The following SPPL3 variants were observed in gnomAD, a reference collection of about 807,000 sequenced individuals.
The protein encoded by SPPL3 is signal peptide peptidase-like 3.
In SPPL3, 5 loss-of-function variants were observed where a neutral mutation model predicts 42.4. The observed-to-expected ratio is 0.12, with a 90% CI of 0.06 to 0.25. The LOEUF (loss-of-function observed/expected upper bound fraction) is 0.25, where lower values mean the gene tolerates loss of function less well. Ranked by LOEUF, SPPL3 falls within the 10% of genes least tolerant of loss-of-function variation. The pLI, the probability that SPPL3 is intolerant of heterozygous loss-of-function variation, is 1.00. For synonymous variants in SPPL3, 195 were observed against 181.8 expected (o/e 1.07, Z -0.58); for missense variants, 235 against 489.0 (o/e 0.48, Z 4.90).
chr12:120,903,736 C>CCCCCCCCCCCCCCA, intron 1 of SPPL3, 109 bp downstream of exon 1: 1 of 646,324 alleles, frequency 1.5e-6, no homozygotes, highest in Non-Finnish European at 2.4e-6. Context: ...ACCCGCGCCC[C>CCCCCCCCCCCCCCA]CCCCCCACGA....
At chr12:120,838,627 T>C (rs1871700304) in intron 1 of SPPL3, among the ~76,000 whole-genome samples, 1 of 152,198 alleles carries the variant, frequency 6.6e-6, no homozygotes, top group South Asian at 2.1e-4. Flanking sequence ...TGTCCAAACA[T>C]TCAACAGATA....
chr12:120,837,905 G>A (rs1205894619), intron 1 of SPPL3, among the ~76,000 whole-genome samples: 1 of 152,082 alleles, frequency 6.6e-6, no homozygotes, highest in Non-Finnish European at 1.5e-5. Context: ...GTGTTGGTGG[G>A]CGACTGTAAT....
At chr12:120,894,942 G>T (rs1263603571) in intron 1 of SPPL3, among the ~76,000 whole-genome samples, 1 of 103,338 alleles carries the variant, frequency 9.7e-6, no homozygotes, top group South Asian at 3.4e-4. Flanking sequence ...GTGAGAGTCC[G>T]TCTCAAACAA....
chr12:120,765,201 A>G, intron 10 of SPPL3, 131 bp from the exon 11 acceptor site: 1 of 723,428 alleles, frequency 1.4e-6, no homozygotes, highest in Non-Finnish European at 2.2e-6. Flanking sequence ...CTGGTCTCAA[A>G]CTCCTGGGCT....
chr12:120,834,621 C>T (rs1566055741), intron 1 of SPPL3, among the ~76,000 whole-genome samples: 1 of 152,194 alleles, frequency 6.6e-6, no homozygotes. Context: ...TGCAATCTTA[C>T]ACTCATTCTC....
At chr12:120,822,131 G>A (rs1871091368) in intron 1 of SPPL3, among the ~76,000 whole-genome samples, 1 of 152,104 alleles carries the variant, frequency 6.6e-6, no homozygotes, top group African/African-American at 2.4e-5. Context: ...TGCATACAGA[G>A]TTTCTGTTTG....
At chr12:120,874,505 A>G (rs112897779) in intron 1 of SPPL3, among the ~76,000 whole-genome samples, 1 of 151,942 alleles carries the variant, frequency 6.6e-6, no homozygotes, top group Non-Finnish European at 1.5e-5. Context: ...TGTAAAAGAC[A>G]TGTTTAAAAC....
chr12:120,765,180 T>C, intron 10 of SPPL3, 110 bp from the exon 11 acceptor site: 1 of 968,040 alleles, frequency 1.0e-6, no homozygotes, highest in Non-Finnish European at 1.5e-6. Flanking sequence ...TCTTCCTATA[T>C]ATTGGCCAGG....
At chr12:120,900,508 G>A (rs1396551052) in intron 1 of SPPL3, among the ~76,000 whole-genome samples, 2 of 151,784 alleles carry the variant, frequency 1.3e-5, no homozygotes, top group Non-Finnish European at 2.9e-5. Flanking sequence ...AGGAGGCTGA[G>A]GTGGGAGGAT....
At chr12:120,895,788 T>C (rs190556728) in intron 1 of SPPL3, among the ~76,000 whole-genome samples, 70 of 152,308 alleles carry the variant, frequency 4.6e-4, no homozygotes, top group Non-Finnish European at 8.1e-4. Flanking sequence ...GGCATAACTA[T>C]TGTACCAAAT....
intron 6 of SPPL3, among the ~76,000 whole-genome samples, chr12:120,775,732 G>A (rs1446517501): frequency 6.6e-6 from 1 of 152,154 alleles, no homozygotes; most frequent in Non-Finnish European, 1.5e-5. Context: ...AGGTTAATTT[G>A]CCAGATGAAA....
rs80131958 is a variant in SPPL3 at position 120,824,835 on chromosome 12, T to C, written c.24-13949A>G. Among the ~76,000 whole-genome samples the C allele has an allele frequency of 4.7e-3, 715 of 152,332 alleles. 7 individuals are homozygous for C. Among genetic ancestry groups the C allele is most frequent in the African/African-American group, 0.016 (656 of 41,578 alleles). On this transcript the variant is annotated intron_variant, in intron 1 of 10. Transcript: ENST00000353487. ...TTACAAGCGTGAAGCTGCCTGGCCT[T>C]CTTAAACTTTTGACACTGTTTTTCA... is the stretch of plus-strand genomic sequence containing the variant.
intron 1 of SPPL3, among the ~76,000 whole-genome samples, chr12:120,850,659 C>T (rs565541141): frequency 6.6e-6 from 1 of 152,346 alleles, no homozygotes; most frequent in African/African-American, 2.4e-5. Flanking sequence ...CCTACTGCTG[C>T]TGTAGAAATT....
intron 1 of SPPL3, among the ~76,000 whole-genome samples, chr12:120,893,737 C>CT (rs1258043033): frequency 6.6e-6 from 1 of 152,168 alleles, no homozygotes; most frequent in Non-Finnish European, 1.5e-5. Context: ...CGCCACTGCA[C>CT]TTTCCTAATT....
intron 1 of SPPL3, among the ~76,000 whole-genome samples, chr12:120,812,121 G>A (rs548914154): frequency 7.4e-6 from 1 of 135,648 alleles, no homozygotes; most frequent in Non-Finnish European, 1.6e-5. Context: ...AAAAAAAAAA[G>A]TAACATAGGA....
chr12:120,852,753 ATT>A (rs1872284277), intron 1 of SPPL3, among the ~76,000 whole-genome samples: 5 of 69,834 alleles, frequency 7.2e-5, no homozygotes, highest in Admixed American at 2.2e-4. Flanking sequence ...TATTTCATAT[ATT>A]ATATCTATGT....
At chr12:120,789,451 C>CAAA (rs60082359) in intron 3 of SPPL3, among the ~76,000 whole-genome samples, 5 of 96,196 alleles carry the variant, frequency 5.2e-5, no homozygotes, top group African/African-American at 1.6e-4. Context: ...GACTCTGTCT[C>CAAA]AAAAAAAAAA....
At chr12:120,777,288 C>G (rs548429738) in intron 6 of SPPL3, among the ~76,000 whole-genome samples, 49 of 152,256 alleles carry the variant, frequency 3.2e-4, no homozygotes, top group African/African-American at 1.0e-3. Context: ...ATAAAAGAAG[C>G]TATGAGATTG....
intron 10 of SPPL3, 48 bp downstream of exon 10, chr12:120,766,214 AG>A (rs1351039276): frequency 1.4e-6 from 2 of 1,475,792 alleles, no homozygotes; most frequent in African/African-American, 1.4e-5. Context: ...ACCGAGGCAC[AG>A]GCCAATCCAA....
Sources: allele counts gnomAD v4.1 joint callset (sites outside exome capture counted in the v4.1 genomes callset), GRCh38; gene constraint gnomAD v4.1.1; transcripts MANE v1.5; gene names NCBI Gene and HGNC (gene_info 2026-07-23, HGNC 2026-07-21).